Variants in NSG2 observed in about 807,000 individuals in gnomAD.
NSG2 encodes neuronal vesicle trafficking associated 2.
A neutral mutation model predicts 16.9 loss-of-function variants in NSG2; 4 were observed. The ratio of observed to expected loss-of-function variants is 0.24; its 90% confidence interval spans 0.12 to 0.54. NSG2 has a LOEUF of 0.54. NSG2 is among the 20% of genes least tolerant of loss of function. The pLI is 0.95. For synonymous variants in NSG2, 98 were observed against 88.7 expected, an observed-to-expected ratio of 1.11 and a Z score of -0.59; for missense variants, 179 against 221.1, an observed-to-expected ratio of 0.81 and a Z score of 1.21.
At chr5:174,087,675 A>G (rs1405947805) in intron 3 of NSG2, among the ~76,000 whole-genome samples, 10 of 151,818 alleles carry the variant, frequency 6.6e-5, no homozygotes, top group Non-Finnish European at 1.3e-4. Context: ...AAGTCCTCCT[A>G]CTTGCAGGAG....
chr5:174,064,263 C>A lies in NSG2; in HGVS notation c.161C>A (p.Pro54Gln), dbSNP rs142224266. The change falls in exon 3 of 5, where the codon CCG becomes CAG. Residue 54 changes from proline (P) to glutamine (Q), a missense_variant. By Grantham distance (76) the Pro-to-Gln change is moderately conservative. Transcript: ENST00000303177. ...VIVKTRTEYQ[P>Q]EQKNKGKFRV... The stretch of plus-strand genomic sequence containing the variant: ...GTGAAGACAAGAACGGAATATCAGC[C>A]GGAACAGAAGAACAAAGGGAAGTTC... The A allele has an allele frequency of 1.9e-6, 3 of 1,611,030 alleles. No individual in the cohort carries two copies. The highest frequency in any genetic ancestry group is 2.5e-6 in the Non-Finnish European group (3 of 1,178,162).
chr5:174,069,009 A>G (rs1315786790), intron 3 of NSG2, among the ~76,000 whole-genome samples: 401 of 70,124 alleles, frequency 5.7e-3, no homozygotes, highest in East Asian at 7.1e-3. Context: ...TGCTATGGAG[A>G]GTGCTGGTGT....
At chr5:174,078,235 C>G (rs1173897905) in intron 3 of NSG2, among the ~76,000 whole-genome samples, 1 of 151,990 alleles carries the variant, frequency 6.6e-6, no homozygotes, top group Middle Eastern at 3.2e-3. Flanking sequence ...CATCCAGGGA[C>G]ATTTCCTAAA....
rs763191901 is a variant in NSG2, at chr5:174,107,484, G to C, written c.495G>C (p.Pro165=). ...CCGCTGTCATCCATGAGCCCAAGCC[G>C]CCCAAGACCCAGGGCCACTAGAGGC... The part of the protein sequence containing the change: ...SAAAVIHEPK[P]PKTQGH The change falls in exon 5 of 5, where the codon CCG becomes CCC. Residue 165 remains proline (P), a synonymous_variant. Coordinates refer to ENST00000303177, the MANE Select transcript of NSG2 (RefSeq NM_015980.5). The surrounding 1 kb of genome is among the most constrained non-coding windows in gnomAD (Gnocchi z 4.5). The C allele has an allele frequency of 1.5e-4, 242 of 1,609,648 alleles. No homozygotes were observed. The highest frequency in any genetic ancestry group is 1.2e-3 in the Middle Eastern group (7 of 6,068).
chr5:174,105,589 C>T (rs1760964721), intron 4 of NSG2, among the ~76,000 whole-genome samples: 1 of 152,166 alleles, frequency 6.6e-6, no homozygotes, highest in Non-Finnish European at 1.5e-5. Flanking sequence ...CTCCATGTGT[C>T]CTTAGAATAC....
chr5:174,104,168 C>T, intron 3 of NSG2, 60 bp from the exon 4 acceptor site: 1 of 1,198,294 alleles, frequency 8.3e-7, no homozygotes, highest in Non-Finnish European at 1.2e-6. Flanking sequence ...CTGAAAGCTG[C>T]ATACGGGGAC....
Position 174,077,961 on chromosome 5 carries a change from T to C in NSG2, c.213+13646T>C, listed in dbSNP as rs1421292660. Among the ~76,000 whole-genome samples, 4 of 152,220 alleles carry C rather than the reference T, an allele frequency of 2.6e-5. No individual in the cohort carries two copies. In the East Asian group the frequency reaches 7.7e-4, roughly 29 times the overall value. On this transcript the variant is annotated intron_variant, in intron 3 of 4. Coordinates refer to ENST00000303177, the MANE Select transcript of NSG2 (RefSeq NM_015980.5). ...TTAAAGTCTCCCTTTCCCTCCTTCA[T>C]AGTTCTCACAAAAAATATCTGTTGT...
rs1760996559 is a variant in NSG2 at position 174,107,246 on chromosome 5, G to T, written c.325-68G>T. On this transcript the variant is annotated intron_variant, in intron 4 of 4. Coordinates refer to ENST00000303177, the MANE Select transcript of NSG2 (RefSeq NM_015980.5). The surrounding 1 kb of genome is among the most constrained non-coding windows in gnomAD (Gnocchi z 4.5). Reference sequence around the variant, plus strand: ...ATGCAGCTGCACTCCAGTCAGGGTGGCTGTGTTGCTGGGCAGGTTGGGAGC... The same window carrying T: ...ATGCAGCTGCACTCCAGTCAGGGTGTCTGTGTTGCTGGGCAGGTTGGGAGC... The T allele has an allele frequency of 3.6e-6, 5 of 1,385,328 alleles. No individual in the cohort carries two copies. The South Asian group carries it at 7.4e-5, about 21-fold the overall frequency. 85.8% of individuals were successfully genotyped at this position (1,385,328 alleles called of 1,614,324 possible). A position where few individuals can be genotyped will look rare whatever the true frequency, so the allele number is the denominator to read the frequency against.
chr5:174,095,302 G>C (rs145452094), intron 3 of NSG2, among the ~76,000 whole-genome samples: 2 of 152,128 alleles, frequency 1.3e-5, no homozygotes, highest in East Asian at 1.9e-4. Context: ...TAAACTGTGC[G>C]GCTGAATGCA....
chr5:174,104,286 T>C lies in NSG2; in HGVS notation c.272T>C (p.Val91Ala). ...CTTGCGTGCATCGTGTTCCTGGTGG[T>C]TTACAAAGCCTTCACCTATGATCAC... ...AFLACIVFLV[V>A]YKAFTYDHSC... The change falls in exon 4 of 5, where the codon GTT becomes GCT. Residue 91 changes from valine (V) to alanine (A), a missense_variant. Val to Ala is a moderately conservative substitution (Grantham distance 64). Coordinates refer to ENST00000303177, the MANE Select transcript of NSG2 (RefSeq NM_015980.5). The C allele has an allele frequency of 6.2e-7, 1 of 1,614,164 alleles. No individual in the cohort carries two copies. Among genetic ancestry groups the C allele is most frequent in the Non-Finnish European group, 8.5e-7 (1 of 1,180,016 alleles).
At chr5:174,063,426 C>G (rs1252198907) in intron 2 of NSG2, among the ~76,000 whole-genome samples, 1 of 152,164 alleles carries the variant, frequency 6.6e-6, no homozygotes, top group Non-Finnish European at 1.5e-5. Flanking sequence ...ACAGATTCAA[C>G]AGAACTTTCT....
intron 3 of NSG2, among the ~76,000 whole-genome samples, chr5:174,079,794 A>G (rs752044684): frequency 3.9e-5 from 6 of 152,078 alleles, no homozygotes; most frequent in Non-Finnish European, 8.8e-5. Flanking sequence ...TCATTCTACA[A>G]TATTTCTAAC....
At chr5:174,093,525 T>C (rs1561673893) in intron 3 of NSG2, among the ~76,000 whole-genome samples, 1 of 152,180 alleles carries the variant, frequency 6.6e-6, no homozygotes, top group Non-Finnish European at 1.5e-5. Flanking sequence ...TACTTGGTAC[T>C]AGGGGAAGGG....
chr5:174,051,961 G>A (rs965616325), intron 2 of NSG2, among the ~76,000 whole-genome samples: 2 of 152,158 alleles, frequency 1.3e-5, no homozygotes, highest in African/African-American at 2.4e-5. Context: ...GAGGTGGGGT[G>A]GGTACCAGTT....
At chr5:174,092,205 G>C (rs147098390) in intron 3 of NSG2, among the ~76,000 whole-genome samples, 127 of 152,386 alleles carry the variant, frequency 8.3e-4, no homozygotes, top group Admixed American at 1.5e-3. Context: ...GCTTAGTCAA[G>C]TCATAGACCT....
intron 3 of NSG2, among the ~76,000 whole-genome samples, chr5:174,098,192 C>T (rs1040574822): frequency 6.6e-6 from 1 of 152,124 alleles, no homozygotes. Flanking sequence ...TGGCCCAAGG[C>T]CCAGAGAAGC....
rs1490909597 is a variant in NSG2 at position 174,046,775 on chromosome 5, A to T, written c.20A>T (p.Asn7Ile). Residue 7 changes from asparagine to isoleucine, a missense_variant, in exon 2 of 5, where the codon AAC becomes ATC. Transcript: ENST00000303177. ...GTAAGGATGGTGAAGCTGAACAGTA[A>T]CCCCAGCGAGAAGGGAACCAAGCCG... MVKLNS[N>I]PSEKGTKPPS... The T allele has an allele frequency of 6.2e-7, 1 of 1,613,970 alleles. No individual in the cohort carries two copies. The highest frequency in any genetic ancestry group is 2.2e-5 in the East Asian group (1 of 44,880).
intron 2 of NSG2, 62 bp from the exon 3 acceptor site, chr5:174,064,170 A>C: frequency 8.1e-7 from 1 of 1,234,718 alleles, no homozygotes; most frequent in Non-Finnish European, 1.1e-6. Context: ...GGTTACTGAA[A>C]AAAAAGAAAG....
chr5:174,068,281 A>C (rs1323888592), intron 3 of NSG2, among the ~76,000 whole-genome samples: 1 of 152,232 alleles, frequency 6.6e-6, no homozygotes, highest in Non-Finnish European at 1.5e-5. Context: ...AGAGATGAAT[A>C]GAGAAAGATG....
Sources: allele counts gnomAD v4.1 joint callset (sites outside exome capture counted in the v4.1 genomes callset), GRCh38; gene constraint gnomAD v4.1.1; non-coding constraint Gnocchi (gnomAD v3.1); transcripts MANE v1.5; gene names NCBI Gene and HGNC (gene_info 2026-07-23, HGNC 2026-07-21).